Variants in SMIM31 observed in about 807,000 individuals in gnomAD.
SMIM31 encodes small integral membrane protein 31.
At chr4:164,788,285 G>T (rs1336345311) in intron 2 of SMIM31, among the ~76,000 whole-genome samples, 2 of 151,820 alleles carry the variant, frequency 1.3e-5, no homozygotes, top group African/African-American at 4.8e-5. Context: ...CTATTTACAG[G>T]GATATATGCA....
intron 2 of SMIM31, among the ~76,000 whole-genome samples, chr4:164,797,851 C>A (rs990836600): frequency 9.2e-5 from 14 of 152,046 alleles, no homozygotes; most frequent in Admixed American, 7.2e-4. Flanking sequence ...CAACATTATA[C>A]CCAATAGGTA....
At chr4:164,774,263 C>A (rs570811658) in intron 2 of SMIM31, among the ~76,000 whole-genome samples, 2 of 151,934 alleles carry the variant, frequency 1.3e-5, no homozygotes, top group Admixed American at 1.3e-4. Flanking sequence ...GGGTCAATGT[C>A]TTTGTTTTAA....
At chr4:164,785,716 A>G (rs886805861) in intron 2 of SMIM31, among the ~76,000 whole-genome samples, 2 of 151,570 alleles carry the variant, frequency 1.3e-5, no homozygotes, top group Non-Finnish European at 2.9e-5. Context: ...GCATATATTT[A>G]CATAATCTTT....
At chr4:164,783,896 GA>G (rs1732994189) in intron 2 of SMIM31, among the ~76,000 whole-genome samples, 1 of 151,978 alleles carries the variant, frequency 6.6e-6, no homozygotes, top group Non-Finnish European at 1.5e-5. Context: ...TACTTATACA[GA>G]AAAACCTCAG....
chr4:164,759,779 C>A lies in SMIM31; in HGVS notation c.-26+5368C>A, dbSNP rs144494954. On this transcript the variant is annotated intron_variant, in intron 1 of 2. Coordinates refer to ENST00000507311, the MANE Select transcript of SMIM31 (RefSeq NM_001352885.1). ...TTCTAGGCTCAGCAAACAAAACACA[C>A]AAAAATCCTCGCCCTCATGAAGCTT... Among the ~76,000 whole-genome samples the A allele has an allele frequency of 4.3e-3, 655 of 152,238 alleles. 2 individuals are homozygous for A. The highest frequency in any genetic ancestry group is 0.015 in the African/African-American group (619 of 41,536).
At chr4:164,783,232 A>AAAAAAAAAAAC (rs147369524) in intron 2 of SMIM31, among the ~76,000 whole-genome samples, 1 of 127,226 alleles carries the variant, frequency 7.9e-6, no homozygotes, top group Non-Finnish European at 1.6e-5. Flanking sequence ...AAAAAAAAAA[A>AAAAAAAAAAAC]GGAATTTCTG....
intron 2 of SMIM31, among the ~76,000 whole-genome samples, chr4:164,794,110 C>T (rs1733143893): frequency 6.6e-6 from 1 of 152,204 alleles, no homozygotes. Flanking sequence ...GGCACAGTGG[C>T]TCACGTCTGT....
intron 1 of SMIM31, among the ~76,000 whole-genome samples, chr4:164,757,573 T>C (rs1732581619): frequency 6.6e-6 from 1 of 152,142 alleles, no homozygotes; most frequent in African/African-American, 2.4e-5. Flanking sequence ...GTTCTAAGAC[T>C]ATGTTGAATT....
At chr4:164,766,482 T>C (rs1276902811) in intron 1 of SMIM31, among the ~76,000 whole-genome samples, 1 of 151,960 alleles carries the variant, frequency 6.6e-6, no homozygotes, top group Admixed American at 6.6e-5. Context: ...AGAACTTTAA[T>C]GGGGAAAGAC....
At chr4:164,795,480 C>T (rs1314280770) in intron 2 of SMIM31, among the ~76,000 whole-genome samples, 3 of 142,316 alleles carry the variant, frequency 2.1e-5, no homozygotes, top group Non-Finnish European at 3.0e-5. Flanking sequence ...ATCACTTGAA[C>T]CTGGGAGGCG....
intron 1 of SMIM31, among the ~76,000 whole-genome samples, chr4:164,758,909 C>A (rs1579059190): frequency 6.9e-6 from 1 of 145,174 alleles, no homozygotes; most frequent in East Asian, 2.0e-4. Context: ...ACCTCGTGAT[C>A]TGCCCGCCTC....
intron 2 of SMIM31, among the ~76,000 whole-genome samples, chr4:164,793,484 A>G (rs6852756): frequency 0.73 from 110,607 of 152,092 alleles, 40,738 homozygotes; most frequent in Non-Finnish European, 0.8. Flanking sequence ...GGCTTATACA[A>G]TAAAAATTTA....
intron 2 of SMIM31, among the ~76,000 whole-genome samples, chr4:164,777,595 T>C (rs1287883186): frequency 6.6e-6 from 1 of 152,176 alleles, no homozygotes; most frequent in African/African-American, 2.4e-5. Context: ...TAGGAAGTGA[T>C]AAAATGTAAG....
At chr4:164,789,247 G>A (rs1295769898) in intron 2 of SMIM31, among the ~76,000 whole-genome samples, 1 of 152,186 alleles carries the variant, frequency 6.6e-6, no homozygotes, top group Non-Finnish European at 1.5e-5. Flanking sequence ...GCAGAAACAG[G>A]TCTGTCAGCA....
At chr4:164,774,557 C>G (rs1283729450) in intron 2 of SMIM31, among the ~76,000 whole-genome samples, 1 of 152,144 alleles carries the variant, frequency 6.6e-6, no homozygotes, top group Non-Finnish European at 1.5e-5. Context: ...ATGTTATCCT[C>G]TATAGAATTG....
At chr4:164,793,746 T>C (rs6536862) in intron 2 of SMIM31, among the ~76,000 whole-genome samples, 110,520 of 151,968 alleles carry the variant, frequency 0.73, 40,705 homozygotes, top group Non-Finnish European at 0.8. Flanking sequence ...TTAGAGGTTC[T>C]ATCTCAAAAC....
At chr4:164,776,713 G>A (rs1732883841) in intron 2 of SMIM31, among the ~76,000 whole-genome samples, 1 of 152,038 alleles carries the variant, frequency 6.6e-6, no homozygotes, top group African/African-American at 2.4e-5. Context: ...AACACTATTT[G>A]GGAAATAGGT....
intron 2 of SMIM31, among the ~76,000 whole-genome samples, chr4:164,794,761 G>T (rs1733166618): frequency 6.6e-6 from 1 of 151,080 alleles, no homozygotes; most frequent in Non-Finnish European, 1.5e-5. Context: ...GCTGAGATCA[G>T]GCCACTGCAC....
intron 1 of SMIM31, among the ~76,000 whole-genome samples, 157 bp downstream of exon 1, chr4:164,754,568 T>A (rs1732530175): frequency 6.7e-6 from 1 of 149,304 alleles, no homozygotes; most frequent in Admixed American, 6.7e-5. Flanking sequence ...TTTTTTTTTT[T>A]TTTTTTTTGC....
Sources: gnomAD v4.1 joint callset for allele counts (sites outside exome capture counted in the v4.1 genomes callset) on GRCh38, gnomAD v4.1.1 for gene constraint, MANE v1.5 for transcripts, NCBI Gene and HGNC (gene_info 2026-07-23, HGNC 2026-07-21) for gene names.